LPGAT1: variants seen among roughly 807,000 people sequenced by gnomAD.
LPGAT1 encodes the protein acyl-CoA:lysophosphatidylglycerol acyltransferase 1.
Under a neutral mutation model 47.5 loss-of-function variants are expected in LPGAT1, and 11 were observed. The ratio of observed to expected loss-of-function variants is 0.23; its 90% CI spans 0.15 to 0.38. LPGAT1 has a LOEUF of 0.38. Ranked by LOEUF, LPGAT1 falls within the 10% of genes least tolerant of loss-of-function variation. LPGAT1 has a pLI of 1.00. For missense variants in LPGAT1, 293 were observed against 439.0 expected (o/e 0.67, Z 2.97); for synonymous variants, 138 against 144.2 (o/e 0.96, Z 0.31).
At chr1:211,764,723 T>C (rs1657835285) in intron 6 of LPGAT1, among the ~76,000 whole-genome samples, 1 of 152,142 alleles carries the variant, frequency 6.6e-6, no homozygotes. Flanking sequence ...AACTCAAATA[T>C]GAACTTTTAC....
chr1:211,829,901 A>G (rs1660668187), intron 1 of LPGAT1: 4 of 984,940 alleles, frequency 4.1e-6, no homozygotes, highest in Admixed American at 6.2e-5. Flanking sequence ...TGGGGGGCCT[A>G]GAAAAAAAGC....
chr1:211,791,774 C>A (rs374360790), intron 3 of LPGAT1, among the ~76,000 whole-genome samples: 65 of 121,724 alleles, frequency 5.3e-4, no homozygotes, highest in East Asian at 1.6e-3. Context: ...AACAAACAAA[C>A]AAAAAAAAAA....
intron 2 of LPGAT1, among the ~76,000 whole-genome samples, chr1:211,814,068 C>T (rs903910658): frequency 1.3e-5 from 2 of 152,080 alleles, no homozygotes; most frequent in East Asian, 3.8e-4. Flanking sequence ...ATAAAAGTAA[C>T]AACAAAATTT....
At chr1:211,816,666 A>G (rs535146490) in intron 2 of LPGAT1, among the ~76,000 whole-genome samples, 19 of 152,320 alleles carry the variant, frequency 1.2e-4, no homozygotes, top group African/African-American at 4.6e-4. Context: ...ACATTAATAT[A>G]ATAATGATCA....
chr1:211,787,739 A>G lies in LPGAT1; in HGVS notation c.358-12T>C. On this transcript the variant is annotated splice_polypyrimidine_tract_variant and intron_variant, in intron 3 of 7. Coordinates refer to ENST00000366997, the MANE Select transcript of LPGAT1 (RefSeq NM_014873.3). ...ATCTGAGCAACAACCTAAAATATTT[A>G]AAAGCAAGAAATAATATTGGATAGA... 1 of 1,519,360 alleles carries G rather than the reference A, an allele frequency of 6.6e-7. No individual in the cohort carries two copies. The highest frequency in any genetic ancestry group is 9.1e-7 in the Non-Finnish European group (1 of 1,103,672). The allele number at this position is 1,519,360 out of a possible 1,614,324, so 94.1% of individuals were successfully genotyped here.
At position 211,745,659 on chromosome 1, in the gene LPGAT1, C is replaced by T. The variant is rs1465606506; in HGVS notation, c.*4240G>A. 6.6e-6 allele frequency: 1 copy of T among 152,604 alleles called. No individual in the cohort carries two copies. Among genetic ancestry groups the T allele is most frequent in the South Asian group, 2.1e-4 (1 of 4,836 alleles). The allele number at this position is 152,604 out of a possible 1,614,324, so 9.5% of individuals were successfully genotyped here. ...TCACCCTTCCCCAACAGTTCAGCAC[C>T]CTCAGCTTATTCCCAGGGTCCAGTT... On this transcript the variant is annotated 3_prime_UTR_variant, in exon 8 of 8. Coordinates refer to ENST00000366997, the MANE Select transcript of LPGAT1 (RefSeq NM_014873.3).
At chr1:211,786,377 TA>T (rs138521197) in intron 4 of LPGAT1, among the ~76,000 whole-genome samples, 12,697 of 152,278 alleles carry the variant, frequency 0.083, 641 homozygotes, top group Admixed American at 0.15. Context: ...AATTATTCAT[TA>T]AGTAATAATT....
intron 2 of LPGAT1, among the ~76,000 whole-genome samples, chr1:211,822,105 T>C (rs1404055217): frequency 6.6e-6 from 1 of 152,178 alleles, no homozygotes. Context: ...AGATATGCCA[T>C]GCAAATGTAA....
intron 6 of LPGAT1, among the ~76,000 whole-genome samples, chr1:211,763,393 T>C (rs1657783365): frequency 6.6e-6 from 1 of 152,218 alleles, no homozygotes; most frequent in Non-Finnish European, 1.5e-5. Flanking sequence ...TCTCTCACCC[T>C]GTGATGCCTT....
chr1:211,767,643 C>G (rs1413637519), intron 6 of LPGAT1, among the ~76,000 whole-genome samples: 2 of 151,788 alleles, frequency 1.3e-5, no homozygotes, highest in East Asian at 1.9e-4. Flanking sequence ...TAGGGAAGAG[C>G]AGGATATGGA....
chr1:211,790,228 C>T (rs1659054739), intron 3 of LPGAT1, among the ~76,000 whole-genome samples: 1 of 152,134 alleles, frequency 6.6e-6, no homozygotes, highest in South Asian at 2.1e-4. Context: ...GTGCTACTAG[C>T]ATTTAGTGTG....
intron 2 of LPGAT1, among the ~76,000 whole-genome samples, chr1:211,826,440 T>C (rs1047991910): frequency 1.3e-5 from 2 of 152,216 alleles, no homozygotes; most frequent in African/African-American, 4.8e-5. Flanking sequence ...GCACTGTCCA[T>C]ACAGTAGCCA....
chr1:211,754,570 A>G (rs1385727612), intron 6 of LPGAT1, among the ~76,000 whole-genome samples: 1 of 152,162 alleles, frequency 6.6e-6, no homozygotes, highest in Non-Finnish European at 1.5e-5. Context: ...TTCACCTGTT[A>G]TTTCTGAAAG....
In LPGAT1 at chr1:211,749,649, G is replaced by A. The variant is rs1217478976; in HGVS notation, c.*250C>T. ...TGATTTCCTCTTCTCCAAATGTGAT[G>A]TTTGCTTAAATATGTGATAGAGTGT... On this transcript the variant is annotated 3_prime_UTR_variant, in exon 8 of 8. Transcript: ENST00000366997. 1 of 404,956 alleles carries A rather than the reference G, an allele frequency of 2.5e-6. No homozygotes were observed. The highest frequency in any genetic ancestry group is 4.5e-5 in the Admixed American group (1 of 22,226). The allele number at this position is 404,956 out of a possible 1,614,324, so 25.1% of individuals were successfully genotyped here. A position where few individuals can be genotyped will look rare whatever the true frequency, so the allele number is the denominator to read the frequency against.
At position 211,778,898 on chromosome 1, in the gene LPGAT1, T is replaced by C. The variant is rs1033055378; in HGVS notation, c.854+20A>G. ...GTAGTATTGTTGGATATATACTGAG[T>C]ACTAATATAGAATTCTTACCTGTAA... On this transcript the variant is annotated intron_variant, in intron 6 of 7. Transcript: ENST00000366997. The C allele has an allele frequency of 6.4e-7, 1 of 1,564,588 alleles. No individual in the cohort carries two copies. The highest frequency in any genetic ancestry group is 8.6e-7 in the Non-Finnish European group (1 of 1,160,058).
At chr1:211,806,782 G>A (rs1207694042) in intron 2 of LPGAT1, among the ~76,000 whole-genome samples, 1 of 152,060 alleles carries the variant, frequency 6.6e-6, no homozygotes, top group African/African-American at 2.4e-5. Context: ...CAAACTAGGA[G>A]TAAAAAAATT....
chr1:211,820,334 T>C (rs895400867), intron 2 of LPGAT1, among the ~76,000 whole-genome samples: 3 of 152,006 alleles, frequency 2.0e-5, no homozygotes, highest in African/African-American at 7.3e-5. Flanking sequence ...AGAAAAATGA[T>C]AGATAATGTA....
chr1:211,751,059 G>A lies in LPGAT1; in HGVS notation c.863C>T (p.Pro288Leu). Residue 288 changes from proline (P) to leucine (L), a missense_variant, in exon 7 of 8, where the codon CCA becomes CTA. Pro to Leu is a moderately conservative substitution (Grantham distance 98). Transcript: ENST00000366997. ...TVTHVHYRIF[P>L]IKDVPLETDD... ...AGTCTCCAGGGGTACATCTTTAATT[G>A]GAAAGATCCTATTAAGGGTTAGAAG... 2 of 1,604,926 alleles carry A rather than the reference G, an allele frequency of 1.2e-6. No individual in the cohort carries two copies. Among genetic ancestry groups the A allele is most frequent in the Non-Finnish European group, 1.7e-6 (2 of 1,172,354 alleles).
intron 7 of LPGAT1, 77 bp from the exon 8 acceptor site, chr1:211,750,127 TA>T (rs1657113880): frequency 1.6e-6 from 2 of 1,282,708 alleles, no homozygotes; most frequent in Admixed American, 1.9e-5. Flanking sequence ...AATATTAGCT[TA>T]ACTACATTTG....
Sources: allele counts gnomAD v4.1 joint callset (sites outside exome capture counted in the v4.1 genomes callset), GRCh38; gene constraint gnomAD v4.1.1; transcripts MANE v1.5; gene names NCBI Gene and HGNC (gene_info 2026-07-23, HGNC 2026-07-21).